Variants in ARHGAP39 observed in about 807,000 individuals in gnomAD.
The protein encoded by ARHGAP39 is rho GTPase-activating protein 39.
ARHGAP39 carries 44 observed loss-of-function variants against 106.9 expected under a neutral mutation model. That is an observed-to-expected ratio of 0.41 (90% CI 0.32 to 0.53). The LOEUF is 0.53. Ranked by LOEUF, ARHGAP39 falls within the 20% of genes least tolerant of loss-of-function variation. The pLI is 0.21. For synonymous variants in ARHGAP39, 768 were observed against 693.2 expected (o/e 1.11, Z -1.69); for missense variants, 1,496 against 1,577.3 (o/e 0.95, Z 0.87).
chr8:144,539,376 T>G (rs1817099969), intron 6 of ARHGAP39, among the ~76,000 whole-genome samples: 1 of 152,226 alleles, frequency 6.6e-6, no homozygotes, highest in Non-Finnish European at 1.5e-5. Context: ...CTTCTCATTC[T>G]TTTAACAGTC....
intron 2 of ARHGAP39, among the ~76,000 whole-genome samples, chr8:144,583,837 C>A (rs962827902): frequency 1.3e-5 from 2 of 152,236 alleles, no homozygotes; most frequent in Non-Finnish European, 2.9e-5. Context: ...TAAAATGGTG[C>A]ATATTCCATG....
At chr8:144,538,306 G>GT (rs1289698762) in intron 6 of ARHGAP39, among the ~76,000 whole-genome samples, 17 of 152,340 alleles carry the variant, frequency 1.1e-4, no homozygotes, top group African/African-American at 3.1e-4. Context: ...TCTGCACAGC[G>GT]TAACTCCGCA....
At chr8:144,600,773 G>T (rs1211731768) in intron 2 of ARHGAP39, among the ~76,000 whole-genome samples, 2 of 152,000 alleles carry the variant, frequency 1.3e-5, no homozygotes, top group Non-Finnish European at 2.9e-5. Flanking sequence ...ACCTGCGTGT[G>T]CATGGAGGCA....
At chr8:144,537,876 G>T in intron 6 of ARHGAP39, 63 bp from the exon 7 acceptor site, 1 of 1,472,196 alleles carries the variant, frequency 6.8e-7, no homozygotes. Flanking sequence ...CGCCCACTCA[G>T]CTCCCGCACT....
rs150884893 is a variant in ARHGAP39 at position 144,550,029 on chromosome 8, T to C, written c.597-1540A>G. On this transcript the variant is annotated intron_variant, in intron 4 of 11. Transcript: ENST00000377307. ...GGCTCACGTCTGTAATCCAAAGACATTGGGAGGCTGAGGCAGGAGGATCAC... is the reference window on the plus strand; with the variant it reads ...GGCTCACGTCTGTAATCCAAAGACACTGGGAGGCTGAGGCAGGAGGATCAC... 7.6e-3 allele frequency among the ~76,000 whole-genome samples: 1,163 copies of C among 152,158 alleles called. 24 individuals are homozygous for C. The highest frequency in any genetic ancestry group is 0.043 in the Admixed American group (657 of 15,290).
chr8:144,609,486 C>A (rs1820411968), intron 1 of ARHGAP39, among the ~76,000 whole-genome samples: 1 of 150,198 alleles, frequency 6.7e-6, no homozygotes, highest in Admixed American at 6.6e-5. Flanking sequence ...ACTGCAACCT[C>A]CACCTCCCAG....
chr8:144,659,243 C>T (rs1300213208), intron 1 of ARHGAP39, among the ~76,000 whole-genome samples: 1 of 152,174 alleles, frequency 6.6e-6, no homozygotes, highest in Non-Finnish European at 1.5e-5. Context: ...CAGCAACATG[C>T]TGACCAGAGC....
chr8:144,643,762 C>T (rs1278524311), intron 1 of ARHGAP39, among the ~76,000 whole-genome samples: 1 of 152,186 alleles, frequency 6.6e-6, no homozygotes, highest in African/African-American at 2.4e-5. Context: ...AAACAAAGTA[C>T]TGGGATTACA....
chr8:144,678,345 T>C (rs1033072137), intron 1 of ARHGAP39, among the ~76,000 whole-genome samples: 1 of 151,658 alleles, frequency 6.6e-6, no homozygotes, highest in Admixed American at 6.6e-5. Flanking sequence ...GAAAATATTA[T>C]GTGATTGTGC....
At chr8:144,620,849 C>T (rs754616597) in intron 1 of ARHGAP39, among the ~76,000 whole-genome samples, 6 of 152,244 alleles carry the variant, frequency 3.9e-5, no homozygotes, top group South Asian at 2.1e-4. Context: ...CCGTGAGGAC[C>T]GGCAGGAATC....
At chr8:144,695,910 A>T in the ARHGAP39 span, among the ~76,000 whole-genome samples, 2 of 152,190 alleles carry the variant, frequency 1.3e-5, no homozygotes, top group African/African-American at 4.8e-5. Flanking sequence ...AGCTTGCACA[A>T]GTTAAATCCT....
chr8:144,569,170 T>C (rs140437233), intron 3 of ARHGAP39, among the ~76,000 whole-genome samples: 11 of 152,362 alleles, frequency 7.2e-5, no homozygotes, highest in East Asian at 1.9e-4. Context: ...CCAAGATTAA[T>C]GTAAGTAGAT....
intron 1 of ARHGAP39, among the ~76,000 whole-genome samples, chr8:144,619,724 G>A (rs1013726495): frequency 1.3e-5 from 2 of 150,288 alleles, no homozygotes; most frequent in Non-Finnish European, 3.0e-5. Flanking sequence ...AAGCATATGT[G>A]TCCGTGTGCG....
Position 144,585,654 on chromosome 8 carries a change from C to G in ARHGAP39, c.81-4377G>C, listed in dbSNP as rs111655456. 0.1 allele frequency among the ~76,000 whole-genome samples: 15,854 copies of G among 152,180 alleles called. 2,017 individuals carry two copies. Among genetic ancestry groups the G allele is most frequent in the African/African-American group, 0.3 (12,336 of 41,492 alleles). Reference sequence around the variant, plus strand: ...CTCAGCACTCTAGGGAGAGAGGATTCAGGCTTGGCGGGGCCAGGACCTCCC... The same window carrying G: ...CTCAGCACTCTAGGGAGAGAGGATTGAGGCTTGGCGGGGCCAGGACCTCCC... On this transcript the variant is annotated intron_variant, in intron 2 of 11. Coordinates refer to ENST00000377307, the MANE Select transcript of ARHGAP39 (RefSeq NM_025251.3). This position sits in a 1 kb window ranked among gnomAD's most constrained non-coding sequence, Gnocchi z 4.6.
At chr8:144,686,934 T>TGACCACACACTAGCAGTGAGCAC (rs1822609147), upstream of ARHGAP39, among the ~76,000 whole-genome samples, 1 of 18,756 alleles carries the variant, frequency 5.3e-5, no homozygotes, top group Admixed American at 5.1e-4. Context: ...GCGGCGACCA[T>TGACCACACACTAGCAGTGAGCAC]TTCCCACCCC....
Position 144,548,370 on chromosome 8 carries a change from C to G in ARHGAP39, c.716G>C (p.Gly239Ala). 6.2e-7 allele frequency: 1 copy of G among 1,608,994 alleles called. No homozygotes were observed. Among genetic ancestry groups the G allele is most frequent in the Non-Finnish European group, 8.5e-7 (1 of 1,178,076 alleles). Residue 239 changes from glycine to alanine, a missense_variant, in exon 5 of 12, where the codon GGG (glycine) becomes GCG (alanine). Physicochemically the swap from Gly to Ala is moderately conservative, Grantham distance 60 (BLOSUM62 0). Coordinates refer to ENST00000377307, the MANE Select transcript of ARHGAP39 (RefSeq NM_025251.3). This position sits in a 1 kb window ranked among gnomAD's most constrained non-coding sequence, Gnocchi z 7.4. ...GCCGGAGGGTCTGCGGGAGCGGACC[C>G]CAGGTGGGCCGTCTGGGGCGTAGCC... ...GNGYAPDGPP[G>A]VRSRRPSGSQ...
At position 144,649,133 on chromosome 8, in the gene ARHGAP39, G is replaced by T. The variant is rs1381640389; in HGVS notation, c.-82+36553C>A. Among the ~76,000 whole-genome samples, 11 of 152,188 alleles carry T rather than the reference G, an allele frequency of 7.2e-5. No homozygotes were observed. In the South Asian group the frequency reaches 2.3e-3, roughly 32 times the overall value. On this transcript the variant is annotated intron_variant, in intron 1 of 11. Coordinates refer to ENST00000377307, the MANE Select transcript of ARHGAP39 (RefSeq NM_025251.3). ...GACTAATAAAGAAGAAAAGAGAGAA[G>T]ATCCAAATAAACACAATTAGAAATG... is the stretch of plus-strand genomic sequence containing the variant.
chr8:144,653,364 T>C (rs1408283566), intron 1 of ARHGAP39, among the ~76,000 whole-genome samples: 1 of 151,984 alleles, frequency 6.6e-6, no homozygotes, highest in African/African-American at 2.4e-5. Flanking sequence ...AACACACTAA[T>C]AGGAAATCAC....
intron 3 of ARHGAP39, among the ~76,000 whole-genome samples, chr8:144,556,575 G>T (rs930720470): frequency 2.6e-5 from 4 of 151,068 alleles, no homozygotes; most frequent in Non-Finnish European, 5.9e-5. Flanking sequence ...CAGAGGCAAA[G>T]GCTGAACCTT....
Sources: gnomAD v4.1 joint callset for allele counts (sites outside exome capture counted in the v4.1 genomes callset) on GRCh38, gnomAD v4.1.1 for gene constraint, Gnocchi (gnomAD v3.1) non-coding constraint, MANE v1.5 for transcripts, NCBI Gene and HGNC (gene_info 2026-07-23, HGNC 2026-07-21) for gene names.